The following ATXN1 variants were observed in gnomAD, a reference collection of about 807,000 sequenced individuals.
The protein encoded by ATXN1 is ataxin-1.
In ATXN1, 8 loss-of-function variants were observed where a neutral mutation model predicts 56.4. That is an observed-to-expected ratio of 0.14 (90% CI 0.08 to 0.26). The LOEUF is 0.26. ATXN1 is among the 10% of genes least tolerant of loss of function. The pLI, the probability that ATXN1 is intolerant of heterozygous loss-of-function variation, is 1.00. For synonymous variants in ATXN1, 514 were observed against 494.6 expected (o/e 1.04, Z -0.52); for missense variants, 987 against 1,106.5 (o/e 0.89, Z 1.53).
At chr6:16,733,358 C>T (rs373236877) in intron 2 of ATXN1, among the ~76,000 whole-genome samples, 33 of 152,002 alleles carry the variant, frequency 2.2e-4, no homozygotes, top group East Asian at 1.9e-3. Context: ...GCCAAGAGTT[C>T]GAGACAAGCT....
intron 6 of ATXN1, among the ~76,000 whole-genome samples, chr6:16,434,869 C>T (rs1759355645): frequency 6.6e-6 from 1 of 152,026 alleles, no homozygotes; most frequent in African/African-American, 2.4e-5. Flanking sequence ...AAAATGTTGT[C>T]AAAGAAAAGA....
chr6:16,715,032 C>T lies in ATXN1; in HGVS notation c.-615+38201G>A, dbSNP rs1391916809. ...ATACACCTTCCCATACTCCCTCTCC[C>T]CTCTCCTTCCCTAACCTATCCCCTG... is the stretch of plus-strand genomic sequence containing the variant. On this transcript the variant is annotated intron_variant, in intron 2 of 7. Coordinates refer to ENST00000436367, the MANE Select transcript of ATXN1 (RefSeq NM_001128164.2). Among the ~76,000 whole-genome samples, 10 of 152,232 alleles carry T rather than the reference C, an allele frequency of 6.6e-5. No homozygotes were observed. The East Asian group carries it at 1.2e-3, about 18-fold the overall frequency.
chr6:16,329,380 C>T (rs1000905672), intron 6 of ATXN1, among the ~76,000 whole-genome samples: 5 of 152,090 alleles, frequency 3.3e-5, no homozygotes, highest in East Asian at 1.9e-4. Context: ...ACTGGACCTA[C>T]GATTTCCTCT....
chr6:16,630,792 A>G (rs1273629954), intron 3 of ATXN1, among the ~76,000 whole-genome samples: 1 of 152,250 alleles, frequency 6.6e-6, no homozygotes, highest in Non-Finnish European at 1.5e-5. Flanking sequence ...ATCTGTTCAC[A>G]GAGAGAATGA....
intron 3 of ATXN1, among the ~76,000 whole-genome samples, chr6:16,650,781 A>T (rs1000141236): frequency 6.6e-6 from 1 of 152,232 alleles, no homozygotes; most frequent in Admixed American, 6.5e-5. Flanking sequence ...GCTGAAACCA[A>T]TCTGGCTGTT....
At chr6:16,700,959 C>T (rs546926927) in intron 2 of ATXN1, among the ~76,000 whole-genome samples, 7 of 151,770 alleles carry the variant, frequency 4.6e-5, no homozygotes, top group South Asian at 2.1e-4. Context: ...CTGGAATGAA[C>T]CGTGAACCAG....
rs117142006 is a variant in ATXN1 at position 16,461,229 on chromosome 6, G to A, written c.-161+24743C>T. On this transcript the variant is annotated intron_variant, in intron 6 of 7. Transcript: ENST00000436367. ...GATTAAGCCCCAGTACTCCCTGATC[G>A]AAACAGAATGGGGACTTTCACGGGG... Among the ~76,000 whole-genome samples the A allele has an allele frequency of 7.5e-3, 1,136 of 152,336 alleles. 34 individuals carry two copies. The highest frequency in any genetic ancestry group is 0.057 in the Admixed American group (867 of 15,308).
At chr6:16,682,203 C>CTTTTTTTTTTTTTTTTTT (rs10528588) in intron 2 of ATXN1, among the ~76,000 whole-genome samples, 5 of 116,986 alleles carry the variant, frequency 4.3e-5, no homozygotes, top group Non-Finnish European at 5.1e-5. Context: ...CTGGGGAGAA[C>CTTTTTTTTTTTTTTTTTT]TTTTTTTTTT....
chr6:16,532,126 G>C (rs2113707444), intron 4 of ATXN1, among the ~76,000 whole-genome samples: 2 of 152,256 alleles, frequency 1.3e-5, no homozygotes, highest in South Asian at 4.2e-4. Flanking sequence ...GAAACAGGCT[G>C]GGGTGATATT....
chr6:16,597,444 T>C (rs1762835838), intron 3 of ATXN1, among the ~76,000 whole-genome samples: 1 of 151,192 alleles, frequency 6.6e-6, no homozygotes, highest in Admixed American at 6.6e-5. Flanking sequence ...AAATCTATTT[T>C]TTTTTTTTTT....
intron 6 of ATXN1, among the ~76,000 whole-genome samples, chr6:16,390,975 A>AT (rs1355601055): frequency 6.6e-6 from 1 of 152,068 alleles, no homozygotes; most frequent in African/African-American, 2.4e-5. Context: ...AGCCTGGACA[A>AT]CATGGATAAA....
intron 2 of ATXN1, among the ~76,000 whole-genome samples, chr6:16,719,985 T>C (rs1759714420): frequency 6.6e-6 from 1 of 152,162 alleles, no homozygotes. Flanking sequence ...AAGTTTCTGG[T>C]AATTTATTAG....
chr6:16,678,251 G>A (rs1332699462), intron 2 of ATXN1, among the ~76,000 whole-genome samples: 3 of 110,748 alleles, frequency 2.7e-5, no homozygotes, highest in East Asian at 2.4e-4. Flanking sequence ...CTGACTTCTT[G>A]GATATCTATT....
intron 2 of ATXN1, among the ~76,000 whole-genome samples, chr6:16,715,390 G>A (rs1441988575): frequency 2.0e-5 from 3 of 152,086 alleles, no homozygotes; most frequent in Non-Finnish European, 2.9e-5. Context: ...AGCTGACTCT[G>A]GAACCTATAA....
intron 2 of ATXN1, among the ~76,000 whole-genome samples, chr6:16,689,936 T>C (rs1759011187): frequency 6.6e-6 from 1 of 152,138 alleles, no homozygotes; most frequent in Admixed American, 6.6e-5. Flanking sequence ...GGCAATTCAA[T>C]TTTTTTGACA....
intron 3 of ATXN1, among the ~76,000 whole-genome samples, chr6:16,654,541 T>TAAAAAA (rs1212773515): frequency 8.2e-6 from 1 of 122,538 alleles, no homozygotes; most frequent in Non-Finnish European, 1.7e-5. Context: ...GACTCTGCCT[T>TAAAAAA]AAAAAAAAAA....
At chr6:16,596,489 A>G (rs1011618615) in intron 3 of ATXN1, among the ~76,000 whole-genome samples, 2 of 152,230 alleles carry the variant, frequency 1.3e-5, no homozygotes, top group Non-Finnish European at 2.9e-5. Flanking sequence ...TAAAGATCCC[A>G]TTAAAACACA....
At chr6:16,621,115 G>A (rs1025540362) in intron 3 of ATXN1, among the ~76,000 whole-genome samples, 2 of 152,174 alleles carry the variant, frequency 1.3e-5, no homozygotes, top group African/African-American at 2.4e-5. Context: ...ACAAATGAGC[G>A]CAGATTACAA....
At chr6:16,375,490 G>T (rs1762124729) in intron 6 of ATXN1, among the ~76,000 whole-genome samples, 1 of 152,128 alleles carries the variant, frequency 6.6e-6, no homozygotes, top group Non-Finnish European at 1.5e-5. Context: ...AAAGATTGGG[G>T]CATTACAAAA....
Sources: gnomAD v4.1 joint callset for allele counts (sites outside exome capture counted in the v4.1 genomes callset) on GRCh38, gnomAD v4.1.1 for gene constraint, MANE v1.5 for transcripts, NCBI Gene and HGNC (gene_info 2026-07-23, HGNC 2026-07-21) for gene names.